Variants in CCSER1 observed in about 807,000 individuals in gnomAD.
CCSER1 encodes coiled-coil serine rich protein 1.
Under a neutral mutation model 82.0 loss-of-function variants are expected in CCSER1, and 41 were observed. That is an observed-to-expected ratio of 0.50 (90% CI 0.39 to 0.65). The LOEUF is 0.65. CCSER1 is among the 30% of genes least tolerant of loss of function. CCSER1 has a pLI of 0.00. For missense variants in CCSER1, 1,119 were observed against 1,064.2 expected (o/e 1.05, Z -0.72); for synonymous variants, 414 against 383.9 (o/e 1.08, Z -0.92).
At chr4:91,556,822 AATT>A (rs1328710237) in intron 10 of CCSER1, among the ~76,000 whole-genome samples, 2 of 151,078 alleles carry the variant, frequency 1.3e-5, no homozygotes, top group South Asian at 4.2e-4. Context: ...TTTTAAGAAA[AATT>A]ATTGATTTCT....
At chr4:91,537,329 T>C (rs905024759) in intron 10 of CCSER1, among the ~76,000 whole-genome samples, 3 of 152,110 alleles carry the variant, frequency 2.0e-5, no homozygotes, top group African/African-American at 7.2e-5. Flanking sequence ...AGTACTTCAC[T>C]ATATACATTT....
intron 3 of CCSER1, among the ~76,000 whole-genome samples, chr4:90,330,563 A>G (rs1350130575): frequency 6.6e-6 from 1 of 152,128 alleles, no homozygotes; most frequent in Non-Finnish European, 1.5e-5. Context: ...AACTTGACCC[A>G]GCCGTCCACT....
chr4:91,245,887 G>T (rs1377137130), intron 10 of CCSER1, among the ~76,000 whole-genome samples: 1 of 152,024 alleles, frequency 6.6e-6, no homozygotes, highest in Non-Finnish European at 1.5e-5. Flanking sequence ...GTAGAGATGG[G>T]GTTTCTTCAT....
intron 10 of CCSER1, among the ~76,000 whole-genome samples, chr4:91,489,066 G>GTGAT (rs1184765394): frequency 3.3e-5 from 5 of 152,188 alleles, no homozygotes; most frequent in African/African-American, 1.2e-4. Context: ...TAGAAAAAAA[G>GTGAT]TGATTGAGTA....
chr4:90,509,123 A>C (rs1578875097), intron 5 of CCSER1, among the ~76,000 whole-genome samples: 1 of 152,012 alleles, frequency 6.6e-6, no homozygotes, highest in East Asian at 1.9e-4. Flanking sequence ...CGTTTTTGCT[A>C]TTGTGTATTT....
intron 4 of CCSER1, among the ~76,000 whole-genome samples, chr4:90,433,151 G>T (rs1040525375): frequency 1.3e-5 from 2 of 152,014 alleles, no homozygotes; most frequent in South Asian, 4.1e-4. Flanking sequence ...TGTTTACGAG[G>T]CCTCTGAAAC....
At chr4:90,495,373 C>T (rs1372777327) in intron 5 of CCSER1, among the ~76,000 whole-genome samples, 3 of 152,110 alleles carry the variant, frequency 2.0e-5, no homozygotes, top group Non-Finnish European at 4.4e-5. Flanking sequence ...CAGCTTGGTA[C>T]TTAATCTCCC....
At chr4:90,620,980 A>G (rs1722215994) in intron 5 of CCSER1, among the ~76,000 whole-genome samples, 1 of 151,940 alleles carries the variant, frequency 6.6e-6, no homozygotes. Context: ...CTGCTGGCTA[A>G]TTTTGTATTT....
chr4:91,146,580 C>CT (rs1553901648), intron 10 of CCSER1, among the ~76,000 whole-genome samples: 141 of 149,570 alleles, frequency 9.4e-4, no homozygotes, highest in African/African-American at 2.6e-3. Context: ...TTATCTTCTT[C>CT]TTTTTTTTTT....
At chr4:90,820,590 C>G (rs1759605717) in intron 8 of CCSER1, among the ~76,000 whole-genome samples, 1 of 152,086 alleles carries the variant, frequency 6.6e-6, no homozygotes, top group Non-Finnish European at 1.5e-5. Flanking sequence ...GTGGCACTTC[C>G]CAACACTGTT....
At chr4:91,446,672 A>ATATATATAT (rs1553938715) in intron 10 of CCSER1, among the ~76,000 whole-genome samples, 920 of 72,398 alleles carry the variant, frequency 0.013, 10 homozygotes, top group Middle Eastern at 0.044. Context: ...ATTTTAAATA[A>ATATATATAT]ATAAATATAT....
rs1313066448 is a variant in CCSER1, at chr4:91,367,149, A to G, written c.2218-231423A>G. On this transcript the variant is annotated intron_variant, in intron 10 of 10. Coordinates refer to ENST00000509176, the MANE Select transcript of CCSER1 (RefSeq NM_001145065.2). ...TCTCTCCAAAAAAAAAAAAAAAAAAAAGAGAAAAAAATGCAAAGTTCGCTT... is the reference window on the plus strand; with the variant it reads ...TCTCTCCAAAAAAAAAAAAAAAAAAGAGAGAAAAAAATGCAAAGTTCGCTT... Among the ~76,000 whole-genome samples the G allele has an allele frequency of 1.8e-3, 275 of 148,804 alleles. 2 individuals are homozygous for G. The highest frequency in any genetic ancestry group is 3.3e-3 in the Non-Finnish European group (225 of 67,182).
intron 3 of CCSER1, among the ~76,000 whole-genome samples, chr4:90,335,809 A>T (rs761166555): frequency 1.1e-4 from 17 of 152,178 alleles, no homozygotes; most frequent in South Asian, 4.1e-4. Flanking sequence ...TGCAACACAC[A>T]ATTCTGCAGT....
At chr4:90,283,378 G>A (rs1349233223) in intron 1 of CCSER1, among the ~76,000 whole-genome samples, 3 of 151,716 alleles carry the variant, frequency 2.0e-5, no homozygotes, top group African/African-American at 7.3e-5. Flanking sequence ...ATACCTAACA[G>A]TTGCACATAT....
chr4:91,049,552 T>C (rs1379372815), intron 9 of CCSER1, among the ~76,000 whole-genome samples: 1 of 152,216 alleles, frequency 6.6e-6, no homozygotes, highest in Non-Finnish European at 1.5e-5. Flanking sequence ...TTGTTTATTA[T>C]TTTTAACTGA....
At chr4:90,326,796 C>T (rs1281844289) in intron 3 of CCSER1, among the ~76,000 whole-genome samples, 2 of 152,074 alleles carry the variant, frequency 1.3e-5, no homozygotes, top group African/African-American at 4.8e-5. Context: ...CTTTCGGCAT[C>T]CGATGAGCCC....
intron 6 of CCSER1, among the ~76,000 whole-genome samples, chr4:90,710,793 G>A (rs71609601): frequency 1.3e-5 from 2 of 152,018 alleles, no homozygotes; most frequent in African/African-American, 2.4e-5. Flanking sequence ...TTTTTGCTTA[G>A]GATTGTCTTG....
intron 8 of CCSER1, among the ~76,000 whole-genome samples, chr4:90,820,467 C>T (rs1017543344): frequency 1.3e-5 from 2 of 152,130 alleles, no homozygotes; most frequent in African/African-American, 4.8e-5. Flanking sequence ...AATGCTTGTC[C>T]TCACATGATA....
In CCSER1 at chr4:90,819,130, A is replaced by G. The variant is rs184807730; in HGVS notation, c.2094+3285A>G. On this transcript the variant is annotated intron_variant, in intron 8 of 10. Transcript: ENST00000509176. ...GGCCATCTTTTCGGTATGTGCTCCC[A>G]TGGTCTTTCCTTGGTGCATGCACAT... 5.3e-5 allele frequency among the ~76,000 whole-genome samples: 8 copies of G among 152,174 alleles called. No individual in the cohort carries two copies. The East Asian group carries it at 1.2e-3, about 22-fold the overall frequency.
Sources: gnomAD v4.1 joint callset for allele counts (sites outside exome capture counted in the v4.1 genomes callset) on GRCh38, gnomAD v4.1.1 for gene constraint, MANE v1.5 for transcripts, NCBI Gene and HGNC (gene_info 2026-07-23, HGNC 2026-07-21) for gene names.